Variants in GOLGA3 observed in about 807,000 individuals in gnomAD.
GOLGA3 encodes golgin A3.
Under a neutral mutation model 169.4 loss-of-function variants are expected in GOLGA3, and 75 were observed. That is an observed-to-expected ratio of 0.44 (90% CI 0.37 to 0.54). The LOEUF is 0.54. Ranked by LOEUF, GOLGA3 falls within the 20% of genes least tolerant of loss-of-function variation. The pLI is 0.00. For missense variants in GOLGA3, 1,899 were observed against 1,930.0 expected (o/e 0.98, Z 0.30); for synonymous variants, 824 against 822.4 (o/e 1.00, Z -0.03).
intron 23 of GOLGA3, among the ~76,000 whole-genome samples, chr12:132,773,650 A>G (rs1275882804): frequency 6.7e-6 from 1 of 149,618 alleles, no homozygotes; most frequent in African/African-American, 2.4e-5. Context: ...CCAGCTTCTC[A>G]GGGCCTATCA....
rs752495321 is a variant in GOLGA3 at position 132,777,122 on chromosome 12, G to A, written c.3723-32C>T. On this transcript the variant is annotated intron_variant, in intron 19 of 23. Transcript: ENST00000450791. This position sits in a 1 kb window ranked among gnomAD's most constrained non-coding sequence, Gnocchi z 4.7. ...TAAAAAAACAAGAAAGAAGGGAATCGCCACGCTCCTCCAGTGTGCTGTGCC... is the reference window on the plus strand; with the variant it reads ...TAAAAAAACAAGAAAGAAGGGAATCACCACGCTCCTCCAGTGTGCTGTGCC... The A allele has an allele frequency of 6.1e-5, 95 of 1,556,128 alleles. No individual in the cohort carries two copies. Among genetic ancestry groups the A allele is most frequent in the Non-Finnish European group, 7.5e-5 (87 of 1,154,094 alleles).
At chr12:132,825,126 G>A (rs537161321) in intron 1 of GOLGA3, among the ~76,000 whole-genome samples, 14 of 152,256 alleles carry the variant, frequency 9.2e-5, no homozygotes, top group Admixed American at 2.0e-4. Context: ...GAAAACTTGC[G>A]TTTTGCTTTG....
rs187804125 is a variant in GOLGA3, at chr12:132,787,881, C to A, written c.2812-1094G>T. On this transcript the variant is annotated intron_variant, in intron 13 of 23. Transcript: ENST00000450791. ...GACCCCGGGACCCCTTCCCGAGACCCCAGGACCCTTCCTGAGACCCCAGGA... is the reference window on the plus strand; with the variant it reads ...GACCCCGGGACCCCTTCCCGAGACCACAGGACCCTTCCTGAGACCCCAGGA... Among the ~76,000 whole-genome samples the A allele has an allele frequency of 5.7e-4, 80 of 141,310 alleles. 1 individual carries two copies. The highest frequency in any genetic ancestry group is 2.2e-3 in the African/African-American group (74 of 33,032). 92.7% of individuals were successfully genotyped at this position (141,310 alleles called of 152,430 possible).
chr12:132,784,735 C>T (rs2045803224), intron 15 of GOLGA3, among the ~76,000 whole-genome samples: 1 of 149,642 alleles, frequency 6.7e-6, no homozygotes, highest in Admixed American at 6.6e-5. Context: ...TGCTCACACC[C>T]CACACGCACA....
chr12:132,787,764 CG>C (rs2045990584), intron 13 of GOLGA3, among the ~76,000 whole-genome samples: 1 of 63,558 alleles, frequency 1.6e-5, no homozygotes, highest in African/African-American at 7.6e-5. Context: ...GACCCCTCCC[CG>C]GAGACCACGG....
At position 132,775,223 on chromosome 12, in the gene GOLGA3, G is replaced by C. The variant is rs145509540; in HGVS notation, c.4061C>G (p.Ser1354Trp). The part of the protein sequence containing the change: ...KDKFMLQAKV[S>W]ELKNNMKTLL... Reference sequence around the variant, plus strand: ...GGTCTTCATGTTGTTCTTCAGCTCCGACACTTTTGCCTGGAGCATAAATTT... The same window carrying C: ...GGTCTTCATGTTGTTCTTCAGCTCCCACACTTTTGCCTGGAGCATAAATTT... The change falls in exon 22 of 24, where the codon TCG becomes TGG. Residue 1354 changes from serine (S) to tryptophan (W), a missense_variant. Transcript: ENST00000450791. The C allele has an allele frequency of 1.2e-6, 2 of 1,613,800 alleles. No individual in the cohort carries two copies. Among genetic ancestry groups the C allele is most frequent in the Non-Finnish European group, 1.7e-6 (2 of 1,179,658 alleles).
Position 132,795,924 on chromosome 12 carries a change from C to G in GOLGA3, c.2397G>C (p.Leu799Phe). The stretch of plus-strand genomic sequence containing the variant: ...CCGACGTTTCCTCGGTACCTTCTTC[C>G]AAGCGTCTTGCTCCTCTGTCAAGCT... ...KEELDRGARRLEEGTEETSET... is the reference protein window; with the variant it reads ...KEELDRGARRFEEGTEETSET... The change falls in exon 11 of 24, where the codon TTG (leucine) becomes TTC (phenylalanine). Residue 799 changes from leucine (L) to phenylalanine (F), a missense_variant. Transcript: ENST00000450791. 2 of 1,614,132 alleles carry G rather than the reference C, an allele frequency of 1.2e-6. No homozygotes were observed. Among genetic ancestry groups the G allele is most frequent in the Non-Finnish European group, 1.7e-6 (2 of 1,180,032 alleles).
chr12:132,826,964 G>A (rs1382363011), intron 1 of GOLGA3, among the ~76,000 whole-genome samples: 2 of 152,160 alleles, frequency 1.3e-5, no homozygotes, highest in South Asian at 2.1e-4. Context: ...GCACTCCTGC[G>A]TCTCTAGAGA....
At chr12:132,805,772 C>T (rs941718763) in intron 6 of GOLGA3, among the ~76,000 whole-genome samples, 5 of 152,262 alleles carry the variant, frequency 3.3e-5, no homozygotes, top group Non-Finnish European at 5.9e-5. Flanking sequence ...TGGGGAAGCA[C>T]CCGTCTCCTG....
rs771739999 is a variant in GOLGA3 at position 132,780,775 on chromosome 12, G to A, written c.3582+23C>T. ...ACTGGAGCGTCCTCTGGAACGCCCT[G>A]TGAGACGGAAGGTGGCACGCACCTG... On this transcript the variant is annotated intron_variant, in intron 18 of 23. Coordinates refer to ENST00000450791, the MANE Select transcript of GOLGA3 (RefSeq NM_001389683.1). 17 of 1,475,364 alleles carry A rather than the reference G, an allele frequency of 1.2e-5. No homozygotes were observed. In the South Asian group the frequency reaches 1.6e-4, roughly 14 times the overall value. 91.4% of individuals were successfully genotyped at this position (1,475,364 alleles called of 1,614,324 possible).
intron 1 of GOLGA3, chr12:132,828,501 C>A (rs1341906540): frequency 6.6e-6 from 1 of 152,304 alleles, no homozygotes; most frequent in Non-Finnish European, 1.5e-5. Flanking sequence ...AAGCACTGCC[C>A]GAGTGGTGGC....
At chr12:132,808,876 T>G (rs1224701435) in intron 4 of GOLGA3, among the ~76,000 whole-genome samples, 5 of 152,142 alleles carry the variant, frequency 3.3e-5, no homozygotes. Context: ...ACAGGGTCAG[T>G]GGGTCTCCCC....
chr12:132,821,917 A>ACGTCCTCCCT, intron 2 of GOLGA3, 79 bp downstream of exon 2: 2 of 884,496 alleles, frequency 2.3e-6, no homozygotes, highest in African/African-American at 1.8e-5. Flanking sequence ...TCTCAACGCC[A>ACGTCCTCCCT]CATCCTCCCT....
intron 2 of GOLGA3, among the ~76,000 whole-genome samples, 196 bp downstream of exon 2, chr12:132,821,800 G>T (rs1324448857): frequency 7.2e-6 from 1 of 139,366 alleles, no homozygotes; most frequent in Admixed American, 7.4e-5. Flanking sequence ...CTTGCAGCGA[G>T]CCGAGATCAC....
intron 12 of GOLGA3, 53 bp from the exon 13 acceptor site, chr12:132,789,343 G>A (rs953036315): frequency 5.0e-5 from 73 of 1,459,788 alleles, no homozygotes; most frequent in Non-Finnish European, 5.9e-5. Flanking sequence ...CGTGGGGGGC[G>A]TACCTGGGGG....
chr12:132,794,485 G>T (rs1847747243), intron 11 of GOLGA3, among the ~76,000 whole-genome samples: 1 of 152,188 alleles, frequency 6.6e-6, no homozygotes, highest in South Asian at 2.1e-4. Flanking sequence ...TTCAGAGCTG[G>T]GAAGGCAGCT....
chr12:132,778,107 A>G (rs2045350333), intron 18 of GOLGA3, among the ~76,000 whole-genome samples: 1 of 152,220 alleles, frequency 6.6e-6, no homozygotes, highest in Non-Finnish European at 1.5e-5. Context: ...TGGACAACAT[A>G]GCAAGACCCT....
At chr12:132,825,833 A>G in intron 1 of GOLGA3, 8 of 1,050,626 alleles carry the variant, frequency 7.6e-6, no homozygotes, top group Non-Finnish European at 1.2e-5. Flanking sequence ...TCTGGGCTTC[A>G]AGACACCCAA....
intron 3 of GOLGA3, 60 bp downstream of exon 3, chr12:132,816,480 C>A (rs1425043281): frequency 4.5e-6 from 7 of 1,560,512 alleles, no homozygotes; most frequent in Non-Finnish European, 6.1e-6. Context: ...GGCACCTGCT[C>A]CCAAGGGGCT....
Sources: allele counts gnomAD v4.1 joint callset (sites outside exome capture counted in the v4.1 genomes callset), GRCh38; gene constraint gnomAD v4.1.1; non-coding constraint Gnocchi (gnomAD v3.1); transcripts MANE v1.5; gene names NCBI Gene and HGNC (gene_info 2026-07-23, HGNC 2026-07-21).